ESR1: variants seen among roughly 807,000 people sequenced by gnomAD.
The protein encoded by ESR1 is estrogen receptor 1.
Under a neutral mutation model 52.7 loss-of-function variants are expected in ESR1, and 12 were observed. The ratio of observed to expected loss-of-function variants is 0.23; its 90% CI spans 0.15 to 0.37. ESR1 has a LOEUF of 0.37. ESR1 is among the 10% of genes least tolerant of loss of function. The pLI, the probability that ESR1 is intolerant of heterozygous loss-of-function variation, is 1.00. For synonymous variants in ESR1, 305 were observed against 316.8 expected (o/e 0.96, Z 0.39); for missense variants, 584 against 779.7 (o/e 0.75, Z 2.99).
chr6:151,956,843 A>AATATAT (rs1253747719), intron 4 of ESR1, among the ~76,000 whole-genome samples: 890 of 44,398 alleles, frequency 0.02, 7 homozygotes, highest in African/African-American at 0.064. Flanking sequence ...AATATAAATA[A>AATATAT]ATATATATAT....
Position 152,119,149 on chromosome 6 carries a change from T to A in ESR1, c.851-6117T>A, listed in dbSNP as rs189665164. Among the ~76,000 whole-genome samples the A allele has an allele frequency of 2.4e-4, 37 of 152,332 alleles. No homozygotes were observed. The East Asian group carries it at 6.0e-3, about 25-fold the overall frequency. ...CACTATTCTTTGCTTTACGATCTTT[T>A]ATGTGGTTTGTCAATTAAGTTTTGT... On this transcript the variant is annotated intron_variant, in intron 6 of 6. Coordinates refer to the ESR1 transcript ENST00000427531.
chr6:151,896,241 T>G (rs549712231), intron 3 of ESR1, among the ~76,000 whole-genome samples: 5 of 152,208 alleles, frequency 3.3e-5, no homozygotes, highest in Admixed American at 2.0e-4. Flanking sequence ...TCTTGTGGAA[T>G]AGTGTCAATA....
intron 3 of ESR1, among the ~76,000 whole-genome samples, chr6:151,901,929 T>C (rs1051343357): frequency 6.6e-6 from 1 of 152,220 alleles, no homozygotes; most frequent in Non-Finnish European, 1.5e-5. Context: ...TTCATCCAAG[T>C]GAGAGCTGCA....
chr6:151,812,226 G>A (rs1778941040), intron 1 of ESR1, among the ~76,000 whole-genome samples: 1 of 152,182 alleles, frequency 6.6e-6, no homozygotes, highest in Non-Finnish European at 1.5e-5. Context: ...ATATGTGAAA[G>A]TGGTATAGAA....
chr6:151,840,745 A>G (rs930699056), intron 1 of ESR1, among the ~76,000 whole-genome samples: 3 of 152,190 alleles, frequency 2.0e-5, no homozygotes, highest in Admixed American at 6.5e-5. Context: ...GCTATCATCA[A>G]TTGACTTTAG....
intron 3 of ESR1, among the ~76,000 whole-genome samples, chr6:151,910,170 C>A (rs1288726023): frequency 2.0e-5 from 3 of 151,480 alleles, no homozygotes; most frequent in African/African-American, 7.3e-5. Flanking sequence ...TTTTGATAGC[C>A]ACTAGCCACA....
chr6:152,081,013 CAAT>C (rs1677084087), intron 6 of ESR1, among the ~76,000 whole-genome samples: 1 of 152,112 alleles, frequency 6.6e-6, no homozygotes, highest in South Asian at 2.1e-4. Flanking sequence ...GACTCCCACA[CAAT>C]AATAATGGGA....
intron 3 of ESR1, among the ~76,000 whole-genome samples, chr6:151,942,722 G>A (rs148404853): frequency 9.4e-4 from 143 of 151,626 alleles, no homozygotes; most frequent in African/African-American, 3.2e-3. Context: ...AAATTCTCAC[G>A]CTAGTTATTT....
chr6:151,829,032 A>T (rs1781960112), intron 1 of ESR1, among the ~76,000 whole-genome samples: 1 of 152,218 alleles, frequency 6.6e-6, no homozygotes, highest in Non-Finnish European at 1.5e-5. Flanking sequence ...CTGCTCAGAG[A>T]TGTCACAATT....
chr6:151,707,567 A>G (rs951216355), intron 2 of ESR1, among the ~76,000 whole-genome samples: 1 of 152,120 alleles, frequency 6.6e-6, no homozygotes, highest in African/African-American at 2.4e-5. Context: ...TGTAGATTTT[A>G]TTTAACATTA....
intron 1 of ESR1, among the ~76,000 whole-genome samples, chr6:151,825,351 A>G (rs536497712): frequency 1.3e-5 from 2 of 152,312 alleles, no homozygotes; most frequent in South Asian, 2.1e-4. Flanking sequence ...AATCAGAGCT[A>G]TGGTGTGAAC....
At chr6:151,843,301 T>C (rs1430633006) in intron 2 of ESR1, among the ~76,000 whole-genome samples, 1 of 152,192 alleles carries the variant, frequency 6.6e-6, no homozygotes, top group Non-Finnish European at 1.5e-5. Flanking sequence ...GACAGGATAT[T>C]TTGCTATGAG....
chr6:151,701,444 G>A (rs1455817758), intron 1 of ESR1, among the ~76,000 whole-genome samples: 5 of 148,388 alleles, frequency 3.4e-5, no homozygotes, highest in African/African-American at 1.0e-4. Context: ...CAGAAGAAAT[G>A]CTTGAACCCA....
At chr6:152,043,977 C>A (rs1010947627) in intron 5 of ESR1, among the ~76,000 whole-genome samples, 1 of 152,176 alleles carries the variant, frequency 6.6e-6, no homozygotes, top group Non-Finnish European at 1.5e-5. Context: ...GAACCCAGGG[C>A]AATCTTAGAA....
intron 1 of ESR1, among the ~76,000 whole-genome samples, chr6:151,819,587 G>A (rs1452070582): frequency 6.6e-6 from 1 of 152,210 alleles, no homozygotes; most frequent in African/African-American, 2.4e-5. Flanking sequence ...AATTCCTGAT[G>A]ATCTGTCATT....
At chr6:151,763,089 A>C (rs183558417) in intron 2 of ESR1, among the ~76,000 whole-genome samples, 330 of 152,188 alleles carry the variant, frequency 2.2e-3, no homozygotes, top group Non-Finnish European at 2.9e-3. Flanking sequence ...TAAAATGTTT[A>C]CTGAAAGTTT....
intron 2 of ESR1, among the ~76,000 whole-genome samples, chr6:151,756,872 C>T (rs919655717): frequency 6.6e-6 from 1 of 152,236 alleles, no homozygotes; most frequent in Non-Finnish European, 1.5e-5. Flanking sequence ...TGCCTGTAAT[C>T]CCAGCTACTC....
At chr6:152,125,128 T>A in intron 6 of ESR1, 1 of 941,776 alleles carries the variant, frequency 1.1e-6, no homozygotes, top group Non-Finnish European at 1.5e-6. Context: ...TGCTTCAGAT[T>A]CTACAGTTAA....
chr6:152,085,071 G>A (rs1019316615), intron 6 of ESR1, among the ~76,000 whole-genome samples: 2 of 152,174 alleles, frequency 1.3e-5, no homozygotes, highest in Admixed American at 6.5e-5. Context: ...CCACCTCTTG[G>A]TGTATCAGGT....
Sources: gnomAD v4.1 joint callset for allele counts (sites outside exome capture counted in the v4.1 genomes callset) on GRCh38, gnomAD v4.1.1 for gene constraint, MANE v1.5 for transcripts, NCBI Gene and HGNC (gene_info 2026-07-23, HGNC 2026-07-21) for gene names.